Variants in SULF2 observed in about 807,000 individuals in gnomAD.
The protein encoded by SULF2 is sulfatase 2.
A neutral mutation model predicts 107.7 loss-of-function variants in SULF2; 52 were observed. That is an observed-to-expected ratio of 0.48 (90% CI 0.39 to 0.61). The LOEUF is 0.61. Among genes scored for constraint, SULF2 ranks in the 20% least tolerant of loss-of-function variants. SULF2 has a pLI of 0.00. For missense variants in SULF2, 993 were observed against 1,177.3 expected (o/e 0.84, Z 2.29); for synonymous variants, 460 against 464.3 (o/e 0.99, Z 0.12).
chr20:47,677,100 C>A lies in SULF2; in HGVS notation c.1228G>T (p.Asp410Tyr). 6.2e-7 allele frequency: 1 copy of A among 1,613,470 alleles called. No individual in the cohort carries two copies. Among genetic ancestry groups the A allele is most frequent in the Non-Finnish European group, 8.5e-7 (1 of 1,179,882 alleles). Residue 410 changes from aspartate to tyrosine, a missense_variant, in exon 9 of 21, where the codon GAC (aspartate) becomes TAC (tyrosine). Around this residue, in one of 3 missense-constraint regions of SULF2, gnomAD observed 108 missense variants for 183.9 expected, o/e 0.59. Transcript: ENST00000688720. ...HLKKKMRVWR[D>Y]SFLVERGKLL... ...CACCCTCTCTCCACCAAGAAGGAGT[C>A]CCGCCAGACCCTCATCTTCTTTTTC... is the stretch of plus-strand genomic sequence containing the variant.
chr20:47,696,509 T>C (rs1286012720), intron 4 of SULF2, among the ~76,000 whole-genome samples: 1 of 152,206 alleles, frequency 6.6e-6, no homozygotes, highest in East Asian at 1.9e-4. Flanking sequence ...TTTTATATTA[T>C]TAATCACATC....
chr20:47,692,933 C>G (rs1470686033), intron 4 of SULF2, among the ~76,000 whole-genome samples: 1 of 152,140 alleles, frequency 6.6e-6, no homozygotes. Context: ...AGAGGAGAAA[C>G]CAAACTCTAA....
At chr20:47,759,456 C>T (rs1005043041) in intron 1 of SULF2, among the ~76,000 whole-genome samples, 1 of 152,198 alleles carries the variant, frequency 6.6e-6, no homozygotes, top group African/African-American at 2.4e-5. Flanking sequence ...CTTTGGCAGG[C>T]TGAGGCAGGT....
chr20:47,687,430 AT>A (rs1034881405), intron 5 of SULF2, among the ~76,000 whole-genome samples: 7 of 152,158 alleles, frequency 4.6e-5, no homozygotes, highest in African/African-American at 1.7e-4. Flanking sequence ...GAAGAAGACC[AT>A]CCCCCTTCCC....
At position 47,736,927 on chromosome 20, in the gene SULF2, A is replaced by G. The variant is rs1299024060; in HGVS notation, c.191T>C (p.Met64Thr). Residue 64 changes from methionine to threonine, a missense_variant, in exon 3 of 21, where the codon ATG becomes ACG. Around this residue, in one of 3 missense-constraint regions of SULF2, gnomAD observed 388 missense variants for 449.2 expected, o/e 0.86. Transcript: ENST00000688720. ...CTCCATGATGCGCCGGGTCTTGTTC[A>G]TCACCTGCATGGAACCTGCAAGTCA... ...QDVELGSMQV[M>T]NKTRRIMEQG... is the part of the protein sequence containing the mutation. 1.9e-6 allele frequency: 3 copies of G among 1,614,194 alleles called. No individual in the cohort carries two copies. The highest frequency in any genetic ancestry group is 2.5e-6 in the Non-Finnish European group (3 of 1,180,022).
At chr20:47,705,073 G>A (rs887012676) in intron 3 of SULF2, among the ~76,000 whole-genome samples, 1 of 152,174 alleles carries the variant, frequency 6.6e-6, no homozygotes, top group Admixed American at 6.5e-5. Context: ...CCAAGCGGCT[G>A]GATTCTGAAA....
Position 47,676,680 on chromosome 20 carries a change from G to A in SULF2, c.1251-57C>T, listed in dbSNP as rs1602617520. 11 of 1,541,230 alleles carry A rather than the reference G, an allele frequency of 7.1e-6. No individual in the cohort carries two copies. In the East Asian group the frequency reaches 1.5e-4, roughly 21 times the overall value. ...GGCCTCTCAGCTCTGGAGGAGCCCC[G>A]GAGGCATGTGTGCCCACCTAGAGGG... is the stretch of plus-strand genomic sequence containing the variant. On this transcript the variant is annotated intron_variant, in intron 9 of 20. Coordinates refer to ENST00000688720, the MANE Select transcript of SULF2 (RefSeq NM_001387048.1).
chr20:47,712,023 A>C (rs2088948293), intron 3 of SULF2, among the ~76,000 whole-genome samples: 2 of 152,268 alleles, frequency 1.3e-5, no homozygotes, highest in African/African-American at 4.8e-5. Flanking sequence ...ATACAGTAAA[A>C]GCACATATAC....
At chr20:47,665,677 A>G (rs1022202575) in intron 13 of SULF2, among the ~76,000 whole-genome samples, 180 bp downstream of exon 13, 1 of 152,206 alleles carries the variant, frequency 6.6e-6, no homozygotes, top group Non-Finnish European at 1.5e-5. Context: ...CCTGGGCAGG[A>G]AGCTATCTGT....
intron 2 of SULF2, among the ~76,000 whole-genome samples, chr20:47,750,314 A>G (rs2090133686): frequency 6.6e-6 from 1 of 152,164 alleles, no homozygotes; most frequent in African/African-American, 2.4e-5. Context: ...CCATCTCTGT[A>G]CACAGAAAAT....
At chr20:47,676,962 C>A in intron 9 of SULF2, 116 bp downstream of exon 9, 1 of 1,175,028 alleles carries the variant, frequency 8.5e-7, no homozygotes, top group South Asian at 1.4e-5. Context: ...GGCCTTTGGA[C>A]CAACTTCAGA....
Position 47,678,360 on chromosome 20 carries a change from G to A in SULF2, c.1193+316C>T, listed in dbSNP as rs2087716786. 4 of 290,540 alleles carry A rather than the reference G, an allele frequency of 1.4e-5. No individual in the cohort carries two copies. The highest frequency in any genetic ancestry group is 1.0e-4 in the South Asian group (2 of 19,982). The allele number at this position is 290,540 out of a possible 1,614,324, so 18.0% of individuals were successfully genotyped here. A position where few individuals can be genotyped will look rare whatever the true frequency, so the allele number is the denominator to read the frequency against. ...TTTCCCTGCACAGTACTTAGAATAG[G>A]GCCTCACACACAAGCGCCGTGCAGT... On this transcript the variant is annotated intron_variant, in intron 8 of 20. Transcript: ENST00000688720. The surrounding 1 kb of genome is among the most constrained non-coding windows in gnomAD (Gnocchi z 4.5).
intron 2 of SULF2, among the ~76,000 whole-genome samples, chr20:47,741,725 T>C (rs1293751252): frequency 2.0e-5 from 3 of 152,162 alleles, no homozygotes; most frequent in Non-Finnish European, 4.4e-5. Context: ...CAGCTGGTAG[T>C]GAGAGCTCAG....
At chr20:47,670,287 G>A (rs2087419582) in intron 11 of SULF2, among the ~76,000 whole-genome samples, 1 of 152,080 alleles carries the variant, frequency 6.6e-6, no homozygotes, top group Non-Finnish European at 1.5e-5. Flanking sequence ...CCCGCTCCCA[G>A]GTTCAAGCCA....
At chr20:47,720,466 C>G (rs1251810606) in intron 3 of SULF2, among the ~76,000 whole-genome samples, 1 of 151,814 alleles carries the variant, frequency 6.6e-6, no homozygotes, top group Non-Finnish European at 1.5e-5. Flanking sequence ...CCATGTTGGC[C>G]AGGCTGGTCT....
At chr20:47,777,141 G>C (rs1385626911) in intron 1 of SULF2, among the ~76,000 whole-genome samples, 1 of 152,204 alleles carries the variant, frequency 6.6e-6, no homozygotes, top group African/African-American at 2.4e-5. Flanking sequence ...ATTCCAGAGA[G>C]TGATAAGTGT....
At chr20:47,665,692 T>C (rs1249964128) in intron 13 of SULF2, among the ~76,000 whole-genome samples, 165 bp downstream of exon 13, 1 of 152,222 alleles carries the variant, frequency 6.6e-6, no homozygotes, top group Non-Finnish European at 1.5e-5. Context: ...ATCTGTCTCA[T>C]GCTGGGACTG....
At chr20:47,745,382 GAAAAAAAAAAAAAAAAAAA>G (rs1158560282) in intron 2 of SULF2, among the ~76,000 whole-genome samples, 2,460 of 51,968 alleles carry the variant, frequency 0.047, 219 homozygotes, top group African/African-American at 0.12. Context: ...AGTTTTGAGG[GAAAAAAAAAAAAAAAAAAA>G]AAAAAAAAAA....
intron 2 of SULF2, among the ~76,000 whole-genome samples, chr20:47,737,665 G>C (rs1283451768): frequency 6.6e-6 from 1 of 151,592 alleles, no homozygotes; most frequent in Non-Finnish European, 1.5e-5. Flanking sequence ...TGAGAGCTCT[G>C]AGCAGTCTTG....
Sources: allele counts gnomAD v4.1 joint callset (sites outside exome capture counted in the v4.1 genomes callset), GRCh38; gene constraint gnomAD v4.1.1; regional missense constraint gnomAD v4.1.1; non-coding constraint Gnocchi (gnomAD v3.1); transcripts MANE v1.5; gene names NCBI Gene and HGNC (gene_info 2026-07-23, HGNC 2026-07-21).